Variants in CDC42EP3 observed in about 807,000 individuals in gnomAD.
CDC42EP3 encodes CDC42 effector protein (Rho GTPase binding) 3.
In CDC42EP3, 4 loss-of-function variants were observed where a neutral mutation model predicts 15.5. That is an observed-to-expected ratio of 0.26 (90% confidence interval 0.13 to 0.59). CDC42EP3 has a LOEUF of 0.59. Among genes scored for constraint, CDC42EP3 ranks in the 20% least tolerant of loss-of-function variants. CDC42EP3 has a pLI of 0.89. For synonymous variants in CDC42EP3, 145 were observed against 130.3 expected (o/e 1.11, Z -0.77); for missense variants, 309 against 311.2 (o/e 0.99, Z 0.05).
At chr2:37,648,387 A>G (rs939240643) in intron 1 of CDC42EP3, among the ~76,000 whole-genome samples, 3 of 152,212 alleles carry the variant, frequency 2.0e-5, no homozygotes, top group South Asian at 4.1e-4. Context: ...CATCTGCCCC[A>G]TATTTCTTTC....
chr2:37,661,032 T>A (rs1460789123), intron 1 of CDC42EP3, among the ~76,000 whole-genome samples: 1 of 152,118 alleles, frequency 6.6e-6, no homozygotes, highest in East Asian at 1.9e-4. Flanking sequence ...AAACCATTTA[T>A]GAAAACCTTG....
chr2:37,659,660 T>G (rs1665993146), intron 1 of CDC42EP3, among the ~76,000 whole-genome samples: 1 of 152,208 alleles, frequency 6.6e-6, no homozygotes, highest in African/African-American at 2.4e-5. Flanking sequence ...ACTTAAAGAA[T>G]GAGGCCCTGG....
rs951843101 is a variant in CDC42EP3, at chr2:37,643,971, A to AG, written c.*1851dup. On this transcript the variant is annotated 3_prime_UTR_variant, in exon 2 of 2. Coordinates refer to ENST00000295324, the MANE Select transcript of CDC42EP3 (RefSeq NM_006449.5). ...TTTTAAACTTTCTTAAAACAGTCTG[A>AG]GATTTTTTTTTTTTTTTTTTTTTGC... 2 of 124,218 alleles carry AG rather than the reference A, an allele frequency of 1.6e-5. No individual in the cohort carries two copies. The highest frequency in any genetic ancestry group is 3.3e-5 in the Non-Finnish European group (2 of 61,468). The allele number at this position is 124,218 out of a possible 1,614,324, so 7.7% of individuals were successfully genotyped here. A position where few individuals can be genotyped will look rare whatever the true frequency, so the allele number is the denominator to read the frequency against.
chr2:37,650,328 G>C lies in CDC42EP3; in HGVS notation c.-235-3506C>G, dbSNP rs144641959. ...TGATCAGTTTCCCCTTCTGCTTCCT[G>C]GGCTCACTGCTCTTTCAAAATCTTT... On this transcript the variant is annotated intron_variant, in intron 1 of 1. Coordinates refer to ENST00000295324, the MANE Select transcript of CDC42EP3 (RefSeq NM_006449.5). Among the ~76,000 whole-genome samples, 142 of 152,266 alleles carry C rather than the reference G, an allele frequency of 9.3e-4. 1 individual carries two copies. The East Asian group carries it at 0.026, about 28-fold the overall frequency.
intron 1 of CDC42EP3, among the ~76,000 whole-genome samples, chr2:37,668,918 A>G (rs934892162): frequency 6.6e-6 from 1 of 152,206 alleles, no homozygotes; most frequent in Non-Finnish European, 1.5e-5. Context: ...GAGGCACACA[A>G]GATTTTGTGG....
intron 1 of CDC42EP3, among the ~76,000 whole-genome samples, chr2:37,648,356 G>C (rs1665544202): frequency 6.6e-6 from 1 of 152,348 alleles, no homozygotes; most frequent in Admixed American, 6.5e-5. Flanking sequence ...ACATTTGCTT[G>C]TAGCAGCTGG....
At chr2:37,671,700 C>G (rs1458868796), upstream of CDC42EP3, 1 of 149,980 alleles carries the variant, frequency 6.7e-6, no homozygotes, top group African/African-American at 2.4e-5. Context: ...CGGCGCGGGG[C>G]GGGGCCGGCG....
Position 37,646,551 on chromosome 2 carries a change from T to G in CDC42EP3, c.37A>C (p.Asn13His). The G allele has an allele frequency of 6.4e-7, 1 of 1,558,546 alleles. No individual in the cohort carries two copies. The highest frequency in any genetic ancestry group is 8.7e-7 in the Non-Finnish European group (1 of 1,154,942). ...TTAAATTTCTTTCCTTTCTTGTTAT[T>G]GGCTGCTTTCAGGTAAATTGGGGTC... ...AKTPIYLKAA[N>H]NKKGKKFKLR... The change falls in exon 2 of 2, where the codon AAT (asparagine) becomes CAT (histidine). Residue 13 changes from asparagine (N) to histidine (H), a missense_variant. Asn to His is a moderately conservative substitution (Grantham distance 68). Coordinates refer to ENST00000295324, the MANE Select transcript of CDC42EP3 (RefSeq NM_006449.5).
chr2:37,652,296 GT>G (rs1665714155), intron 1 of CDC42EP3, among the ~76,000 whole-genome samples: 1 of 151,870 alleles, frequency 6.6e-6, no homozygotes, highest in Non-Finnish European at 1.5e-5. Context: ...AGGGCTTTGC[GT>G]TCTGCCCAGA....
intron 1 of CDC42EP3, among the ~76,000 whole-genome samples, chr2:37,648,028 C>G (rs763633614): frequency 3.9e-5 from 6 of 152,192 alleles, no homozygotes; most frequent in Non-Finnish European, 7.3e-5. Context: ...TGTAAGCCCT[C>G]AAGTTTGTGG....
At chr2:37,668,285 A>G (rs1278819080) in intron 1 of CDC42EP3, among the ~76,000 whole-genome samples, 4 of 152,248 alleles carry the variant, frequency 2.6e-5, no homozygotes, top group Non-Finnish European at 5.9e-5. Flanking sequence ...TATGAATATT[A>G]CATGACAGAA....
Position 37,645,642 on chromosome 2 carries a change from G to GT in CDC42EP3, c.*180dup. 1 of 504,768 alleles carries GT rather than the reference G, an allele frequency of 2.0e-6. No individual in the cohort carries two copies. The highest frequency in any genetic ancestry group is 3.4e-6 in the Non-Finnish European group (1 of 297,818). The allele number at this position is 504,768 out of a possible 1,614,324, so 31.3% of individuals were successfully genotyped here. ...TTTTTGCCAAGATAGGTTTTGCTTT[G>GT]TTGTTTTTTTCTAAATTGTTTTTGC... On this transcript the variant is annotated 3_prime_UTR_variant, in exon 2 of 2. Coordinates refer to ENST00000295324, the MANE Select transcript of CDC42EP3 (RefSeq NM_006449.5).
rs1665283082 is a variant in CDC42EP3, at chr2:37,641,986, AAAGT to A, written c.*3833_*3836del. ...TTCATTGTGTTATACATCACTTCAT[AAAGT>A]AAGCATAGTTCCCATTCTTCCACAT... On this transcript the variant is annotated 3_prime_UTR_variant, in exon 2 of 2. Coordinates refer to ENST00000295324, the MANE Select transcript of CDC42EP3 (RefSeq NM_006449.5). The A allele has an allele frequency of 6.6e-6, 1 of 152,200 alleles. No homozygotes were observed. Among genetic ancestry groups the A allele is most frequent in the Non-Finnish European group, 1.5e-5 (1 of 68,036 alleles). 9.4% of individuals were successfully genotyped at this position (152,200 alleles called of 1,614,324 possible). A position where few individuals can be genotyped will look rare whatever the true frequency, so the allele number is the denominator to read the frequency against.
At chr2:37,651,992 G>C (rs939719710) in intron 1 of CDC42EP3, among the ~76,000 whole-genome samples, 3 of 151,766 alleles carry the variant, frequency 2.0e-5, no homozygotes, top group Admixed American at 1.3e-4. Flanking sequence ...TGGCTAACAC[G>C]GTGAAACCCC....
upstream of CDC42EP3, chr2:37,671,783 C>A (rs528502386): frequency 0.012 from 1,769 of 145,046 alleles, 16 homozygotes; most frequent in Admixed American, 0.017. Flanking sequence ...GGTACCTGTG[C>A]CCTGGCCCGG....
intron 1 of CDC42EP3, among the ~76,000 whole-genome samples, chr2:37,656,061 G>T (rs1234233377): frequency 1.3e-5 from 2 of 152,196 alleles, no homozygotes; most frequent in African/African-American, 4.8e-5. Flanking sequence ...GTTCTCTGAT[G>T]GGGTAAAGGG....
At chr2:37,656,336 A>T (rs572850703) in intron 1 of CDC42EP3, among the ~76,000 whole-genome samples, 1 of 152,320 alleles carries the variant, frequency 6.6e-6, no homozygotes, top group African/African-American at 2.4e-5. Context: ...GAGCTTATTC[A>T]TCTTTTGCCT....
At chr2:37,660,563 C>G (rs1309422505) in intron 1 of CDC42EP3, among the ~76,000 whole-genome samples, 1 of 152,154 alleles carries the variant, frequency 6.6e-6, no homozygotes, top group Non-Finnish European at 1.5e-5. Context: ...TACAAACAAT[C>G]TAACATTTTT....
chr2:37,671,674 C>A (rs1434469251), upstream of CDC42EP3: 1 of 151,646 alleles, frequency 6.6e-6, no homozygotes, highest in Non-Finnish European at 1.5e-5. Context: ...GAGGACTGAA[C>A]CTGCGGAGGG....
Sources: allele counts gnomAD v4.1 joint callset (sites outside exome capture counted in the v4.1 genomes callset), GRCh38; gene constraint gnomAD v4.1.1; transcripts MANE v1.5; gene names NCBI Gene and HGNC (gene_info 2026-07-23, HGNC 2026-07-21).